The following GALNT14 variants were observed in gnomAD, a reference collection of about 807,000 sequenced individuals.
GALNT14 encodes the protein UDP-GalNAc:polypeptide N-acetylgalactosaminyltransferase 14.
A neutral mutation model predicts 77.5 loss-of-function variants in GALNT14; 60 were observed. That is an observed-to-expected ratio of 0.77 (90% CI 0.63 to 0.96). The LOEUF is 0.96. GALNT14 is among the 40% of genes least tolerant of loss of function. The probability of loss-of-function intolerance (pLI) is 0.00; values close to 1 mark genes in which losing one functional copy is unlikely to be tolerated. For missense variants in GALNT14, 710 were observed against 731.0 expected (o/e 0.97, Z 0.33); for synonymous variants, 280 against 281.7 (o/e 0.99, Z 0.06).
intron 1 of GALNT14, among the ~76,000 whole-genome samples, chr2:31,032,521 A>T (rs1436956578): frequency 6.6e-6 from 1 of 152,164 alleles, no homozygotes; most frequent in Non-Finnish European, 1.5e-5. Flanking sequence ...GTTTTACTTT[A>T]CTGGTGTTTT....
At chr2:30,935,510 C>T (rs765818792) in intron 9 of GALNT14, among the ~76,000 whole-genome samples, 12 of 152,198 alleles carry the variant, frequency 7.9e-5, no homozygotes, top group Non-Finnish European at 4.4e-5. Flanking sequence ...AGTGTCTCTA[C>T]TCTGGAGTTC....
downstream of GALNT14, among the ~76,000 whole-genome samples, chr2:30,909,009 T>G (rs1245292847): frequency 6.6e-6 from 1 of 151,966 alleles, no homozygotes; most frequent in Admixed American, 6.6e-5. Flanking sequence ...TAGCCATATG[T>G]AGAAAGCTGA....
intron 13 of GALNT14, among the ~76,000 whole-genome samples, chr2:30,918,228 C>CCA (rs1664803301): frequency 1.3e-5 from 2 of 152,288 alleles, no homozygotes; most frequent in South Asian, 4.1e-4. Context: ...TGATTAAAGC[C>CCA]CACACTCAGT....
intron 2 of GALNT14, among the ~76,000 whole-genome samples, chr2:30,985,431 G>A (rs924550575): frequency 6.6e-6 from 1 of 151,968 alleles, no homozygotes; most frequent in Non-Finnish European, 1.5e-5. Context: ...TGACCCAGAG[G>A]CCCTTGCTAA....
chr2:30,948,555 C>G (rs1355028373), intron 6 of GALNT14, among the ~76,000 whole-genome samples: 1 of 152,206 alleles, frequency 6.6e-6, no homozygotes, highest in South Asian at 2.1e-4. Flanking sequence ...TTGCGGGGAG[C>G]TTTACCCTTT....
intron 1 of GALNT14, among the ~76,000 whole-genome samples, chr2:31,122,684 AT>A (rs1678472847): frequency 6.6e-6 from 1 of 152,044 alleles, no homozygotes; most frequent in Non-Finnish European, 1.5e-5. Context: ...TTTTCTATAA[AT>A]TTTTTCTATA....
At chr2:30,917,331 T>C (rs1439043516) in intron 13 of GALNT14, among the ~76,000 whole-genome samples, 1 of 152,048 alleles carries the variant, frequency 6.6e-6, no homozygotes, top group East Asian at 1.9e-4. Context: ...CTGCTAAACA[T>C]CCCATGCTGC....
At position 30,942,229 on chromosome 2, in the gene GALNT14, G is replaced by A. The variant is rs1470092312; in HGVS notation, c.903C>T (p.Asp301=). ...WFDYLGKYDM[D]MDIWGGENFE... is the part of the protein sequence containing the mutation. ...AGTTCTCCCCACCCCAGATGTCCAT[G>A]TCCATATCATATTTCCCCAGGTAAT... is the stretch of plus-strand genomic sequence containing the variant. Residue 301 remains aspartate, a synonymous_variant, in exon 9 of 15, where the codon GAC becomes GAT. Coordinates refer to ENST00000349752, the MANE Select transcript of GALNT14 (RefSeq NM_024572.4). The A allele has an allele frequency of 6.2e-7, 1 of 1,613,890 alleles. No individual in the cohort carries two copies. Among genetic ancestry groups the A allele is most frequent in the African/African-American group, 1.3e-5 (1 of 74,904 alleles).
chr2:30,937,119 C>T (rs1413809112), intron 9 of GALNT14, among the ~76,000 whole-genome samples: 2 of 152,146 alleles, frequency 1.3e-5, no homozygotes, highest in Admixed American at 1.3e-4. Context: ...AGGTCATGTC[C>T]CTAATCTTGA....
chr2:31,136,971 A>G (rs369740532), intron 1 of GALNT14, among the ~76,000 whole-genome samples: 1 of 152,174 alleles, frequency 6.6e-6, no homozygotes, highest in African/African-American at 2.4e-5. Context: ...AAGCTCCTCC[A>G]AGGCTTTTGC....
At chr2:31,033,184 T>C (rs1672518397) in intron 1 of GALNT14, among the ~76,000 whole-genome samples, 1 of 152,146 alleles carries the variant, frequency 6.6e-6, no homozygotes, top group African/African-American at 2.4e-5. Context: ...TTCTCTGATT[T>C]GCTAGGTATC....
chr2:31,044,013 G>C (rs962550167), intron 1 of GALNT14, among the ~76,000 whole-genome samples: 1 of 152,180 alleles, frequency 6.6e-6, no homozygotes, highest in Non-Finnish European at 1.5e-5. Flanking sequence ...CAAGTTTGCA[G>C]GCTGCCAACT....
chr2:30,903,837 C>T, the GALNT14 span, among the ~76,000 whole-genome samples: 1 of 152,306 alleles, frequency 6.6e-6, no homozygotes, highest in South Asian at 2.1e-4. Context: ...AGGAAACTCA[C>T]CTGGGCAGAG....
intron 1 of GALNT14, among the ~76,000 whole-genome samples, chr2:31,005,278 G>A (rs962153180): frequency 2.0e-5 from 3 of 152,190 alleles, no homozygotes; most frequent in Non-Finnish European, 4.4e-5. Flanking sequence ...GTGTGTGGGG[G>A]TGGGGAGTGG....
At chr2:30,979,865 TC>T (rs1242523487) in intron 2 of GALNT14, among the ~76,000 whole-genome samples, 5 of 152,108 alleles carry the variant, frequency 3.3e-5, no homozygotes, top group African/African-American at 1.2e-4. Flanking sequence ...TCATCTCCTC[TC>T]CCGCTCTTTT....
At chr2:31,009,171 A>G (rs943517880) in intron 1 of GALNT14, among the ~76,000 whole-genome samples, 19 of 152,224 alleles carry the variant, frequency 1.2e-4, no homozygotes, top group Non-Finnish European at 2.2e-4. Flanking sequence ...AGAAAGAATG[A>G]AAGAAGAACA....
intron 1 of GALNT14, among the ~76,000 whole-genome samples, chr2:31,047,984 G>T (rs72793304): frequency 1.3e-5 from 2 of 152,190 alleles, no homozygotes; most frequent in South Asian, 4.1e-4. Flanking sequence ...GCATCGGCTC[G>T]CAGCCAAGCA....
intron 1 of GALNT14, among the ~76,000 whole-genome samples, chr2:31,077,664 T>G (rs1470327346): frequency 6.6e-6 from 1 of 152,218 alleles, no homozygotes; most frequent in Non-Finnish European, 1.5e-5. Flanking sequence ...AGAAGTCCCC[T>G]TTCGGAATCC....
chr2:30,938,044 C>T (rs980759408), intron 9 of GALNT14, among the ~76,000 whole-genome samples: 3 of 151,676 alleles, frequency 2.0e-5, no homozygotes, highest in Non-Finnish European at 1.5e-5. Flanking sequence ...CACCCACCCC[C>T]CACCACACAC....
Sources: gnomAD v4.1 joint callset for allele counts (sites outside exome capture counted in the v4.1 genomes callset) on GRCh38, gnomAD v4.1.1 for gene constraint, MANE v1.5 for transcripts, NCBI Gene and HGNC (gene_info 2026-07-23, HGNC 2026-07-21) for gene names.